CUX2: variants seen among roughly 807,000 people sequenced by gnomAD.
CUX2 encodes the protein homeobox protein cut-like 2.
In CUX2, 40 loss-of-function variants were observed where a neutral mutation model predicts 144.8. The ratio of observed to expected loss-of-function variants is 0.28; its 90% CI spans 0.21 to 0.36. The LOEUF is 0.36. Among genes scored for constraint, CUX2 ranks in the 10% least tolerant of loss-of-function variants. The probability of loss-of-function intolerance (pLI) is 1.00; values close to 1 mark genes in which losing one functional copy is unlikely to be tolerated. For missense variants in CUX2, 1,615 were observed against 1,994.0 expected, an observed-to-expected ratio of 0.81 and a Z score of 3.62; for synonymous variants, 827 against 875.6, an observed-to-expected ratio of 0.94 and a Z score of 0.98.
chr12:111,256,230 C>A (rs1883811945), intron 3 of CUX2, among the ~76,000 whole-genome samples: 1 of 152,050 alleles, frequency 6.6e-6, no homozygotes, highest in African/African-American at 2.4e-5. Context: ...TTCTCTGAGC[C>A]CCCCTCGTAC....
chr12:111,330,714 T>TACACAC lies in CUX2; in HGVS notation c.2927-3726_2927-3725insCACACA, dbSNP rs1565926154. Among the ~76,000 whole-genome samples the TACACAC allele has an allele frequency of 3.3e-4, 12 of 36,454 alleles. 2 individuals carry two copies. Among genetic ancestry groups the TACACAC allele is most frequent in the African/African-American group, 1.9e-3 (12 of 6,236 alleles). The allele number at this position is 36,454 out of a possible 152,430, so 23.9% of individuals were successfully genotyped here. The stretch of plus-strand genomic sequence containing the variant: ...ATATATATATATATATATATATATA[T>TACACAC]ATATATATATATATATATATATATA... On this transcript the variant is annotated intron_variant, in intron 18 of 21. Transcript: ENST00000261726.
chr12:111,113,394 C>G (rs528804655), intron 1 of CUX2, among the ~76,000 whole-genome samples: 1 of 152,050 alleles, frequency 6.6e-6, no homozygotes, highest in South Asian at 2.1e-4. Flanking sequence ...CATCACCCCC[C>G]GAAATTTCCT....
At chr12:111,288,354 G>A (rs1885500308) in intron 4 of CUX2, among the ~76,000 whole-genome samples, 1 of 152,082 alleles carries the variant, frequency 6.6e-6, no homozygotes, top group Non-Finnish European at 1.5e-5. Context: ...ACAGCCCCAT[G>A]AGGTTGCTAC....
intron 1 of CUX2, among the ~76,000 whole-genome samples, chr12:111,128,009 G>A (rs1434207934): frequency 6.6e-6 from 1 of 152,148 alleles, no homozygotes; most frequent in Non-Finnish European, 1.5e-5. Context: ...GATTTGGGTG[G>A]GGACACAGAG....
Position 111,304,408 on chromosome 12 carries a change from T to A in CUX2, c.858+94T>A. 1.0e-6 allele frequency: 1 copy of A among 1,001,984 alleles called. No individual in the cohort carries two copies. Among genetic ancestry groups the A allele is most frequent in the Non-Finnish European group, 1.5e-6 (1 of 657,182 alleles). The allele number at this position is 1,001,984 out of a possible 1,614,324, so 62.1% of individuals were successfully genotyped here. A position where few individuals can be genotyped will look rare whatever the true frequency, so the allele number is the denominator to read the frequency against. ...GTTTCAGCATGTGGGTGACACTTTG[T>A]GGTTGATTGTGTGCATCCATTTGAA... is the stretch of plus-strand genomic sequence containing the variant. On this transcript the variant is annotated intron_variant, in intron 10 of 21. Coordinates refer to ENST00000261726, the MANE Select transcript of CUX2 (RefSeq NM_015267.4). The surrounding 1 kb of genome is among the most constrained non-coding windows in gnomAD (Gnocchi z 4.7).
At chr12:111,309,153 CCTCAGCCTCCCAAAGTGCTGG>C (rs1320489464) in intron 14 of CUX2, among the ~76,000 whole-genome samples, 3 of 152,178 alleles carry the variant, frequency 2.0e-5, no homozygotes, top group African/African-American at 7.2e-5. Context: ...GATCCGCCTG[CCTCAGCCTCCCAAAGTGCTGG>C]GATTACAGGC....
chr12:111,187,913 G>C (rs547091399), intron 1 of CUX2, among the ~76,000 whole-genome samples: 1 of 152,234 alleles, frequency 6.6e-6, no homozygotes, highest in Non-Finnish European at 1.5e-5. Flanking sequence ...GGGCACAGCT[G>C]CCAGGCACCC....
At chr12:111,041,971 G>A (rs948087707) in intron 1 of CUX2, among the ~76,000 whole-genome samples, 5 of 152,172 alleles carry the variant, frequency 3.3e-5, no homozygotes, top group Non-Finnish European at 1.5e-5. Flanking sequence ...GTGGGCCTGT[G>A]GCTGTCCCCC....
At chr12:111,266,736 T>C (rs557599940) in intron 4 of CUX2, among the ~76,000 whole-genome samples, 1 of 152,290 alleles carries the variant, frequency 6.6e-6, no homozygotes, top group Admixed American at 6.5e-5. Context: ...CCCCAGTTGG[T>C]GGTGCTTTTC....
chr12:111,275,679 G>T (rs1884839686), intron 4 of CUX2, among the ~76,000 whole-genome samples: 1 of 152,174 alleles, frequency 6.6e-6, no homozygotes, highest in South Asian at 2.1e-4. Flanking sequence ...CCCAAGTGCG[G>T]AGTCCACATG....
At chr12:111,211,604 G>A (rs1354597734) in intron 1 of CUX2, among the ~76,000 whole-genome samples, 1 of 152,154 alleles carries the variant, frequency 6.6e-6, no homozygotes, top group Non-Finnish European at 1.5e-5. Flanking sequence ...TGTCAGACAC[G>A]GCCGGGTGTG....
chr12:111,111,397 G>A (rs1450811149), intron 1 of CUX2, among the ~76,000 whole-genome samples: 1 of 152,124 alleles, frequency 6.6e-6, no homozygotes, highest in East Asian at 1.9e-4. Flanking sequence ...TCTACTGGGA[G>A]TCATTTATTC....
chr12:111,191,581 C>T (rs1390163711), intron 1 of CUX2, among the ~76,000 whole-genome samples: 4 of 152,136 alleles, frequency 2.6e-5, no homozygotes, highest in Admixed American at 1.3e-4. Flanking sequence ...CTACCTTGGC[C>T]CCCCAAAGTG....
At chr12:111,319,973 G>T in intron 16 of CUX2, 39 bp from the exon 17 acceptor site, 1 of 1,437,082 alleles carries the variant, frequency 7.0e-7, no homozygotes, top group South Asian at 1.5e-5. Flanking sequence ...GCCGAGCCCT[G>T]ACCCTGGGCC....
chr12:111,153,459 C>T (rs1877185787), intron 1 of CUX2, among the ~76,000 whole-genome samples: 1 of 152,156 alleles, frequency 6.6e-6, no homozygotes, highest in Non-Finnish European at 1.5e-5. Context: ...TGGACTGTTG[C>T]TCCTAGACCA....
At chr12:111,142,092 G>A (rs1247738258) in intron 1 of CUX2, among the ~76,000 whole-genome samples, 1 of 152,080 alleles carries the variant, frequency 6.6e-6, no homozygotes, top group Non-Finnish European at 1.5e-5. Context: ...TCAAAAAAAA[G>A]GGAAAACTAT....
At position 111,220,036 on chromosome 12, in the gene CUX2, C is replaced by CGG. The variant is rs1375828394; in HGVS notation, c.222+2099_222+2100insGG. On this transcript the variant is annotated intron_variant, in intron 3 of 21. Coordinates refer to ENST00000261726, the MANE Select transcript of CUX2 (RefSeq NM_015267.4). The stretch of plus-strand genomic sequence containing the variant: ...GTGGGCACCTGTAATTCCAATTACT[C>CGG]AGGAGTCTGAGGCAGGAGAATCACT... Among the ~76,000 whole-genome samples, 126 of 151,732 alleles carry CGG rather than the reference C, an allele frequency of 8.3e-4. 1 individual carries two copies. Among genetic ancestry groups the CGG allele is most frequent in the Middle Eastern group, 3.4e-3 (1 of 294 alleles).
At chr12:111,242,763 G>A (rs1454373111) in intron 3 of CUX2, among the ~76,000 whole-genome samples, 4 of 152,074 alleles carry the variant, frequency 2.6e-5, no homozygotes, top group Non-Finnish European at 4.4e-5. Flanking sequence ...GCAGTGAGTC[G>A]AGATTCCACC....
At position 111,273,353 on chromosome 12, in the gene CUX2, G is replaced by A. The variant is rs926638114; in HGVS notation, c.301+9514G>A. ...TAGGTTCCATCATCCTTCCTCACTGGGAAGCTGAAGAAGTACAGGCTCAGA... is the reference window on the plus strand; with the variant it reads ...TAGGTTCCATCATCCTTCCTCACTGAGAAGCTGAAGAAGTACAGGCTCAGA... On this transcript the variant is annotated intron_variant, in intron 4 of 21. Transcript: ENST00000261726. 2.0e-5 allele frequency among the ~76,000 whole-genome samples: 3 copies of A among 152,104 alleles called. No individual in the cohort carries two copies. The East Asian group carries it at 5.8e-4, about 29-fold the overall frequency.
Sources: gnomAD v4.1 joint callset for allele counts (sites outside exome capture counted in the v4.1 genomes callset) on GRCh38, gnomAD v4.1.1 for gene constraint, Gnocchi (gnomAD v3.1) non-coding constraint, MANE v1.5 for transcripts, NCBI Gene and HGNC (gene_info 2026-07-23, HGNC 2026-07-21) for gene names.